HPD: variants seen among roughly 807,000 people sequenced by gnomAD.
HPD encodes 4-hydroxyphenylpyruvate dioxygenase.
In HPD, 35 loss-of-function variants were observed where a neutral mutation model predicts 56.9. That is an observed-to-expected ratio of 0.62 (90% CI 0.47 to 0.82). The LOEUF (loss-of-function observed/expected upper bound fraction) is 0.82. Ranked by LOEUF, HPD falls within the 40% of genes least tolerant of loss-of-function variation. The pLI, the probability that HPD is intolerant of heterozygous loss-of-function variation, is 0.00. For missense variants in HPD, 442 were observed against 506.8 expected, an observed-to-expected ratio of 0.87 and a Z score of 1.23; for synonymous variants, 186 against 200.2, an observed-to-expected ratio of 0.93 and a Z score of 0.60.
chr12:121,851,259 C>T (rs137857965), intron 7 of HPD, among the ~76,000 whole-genome samples: 108 of 152,288 alleles, frequency 7.1e-4, no homozygotes, highest in African/African-American at 2.5e-3. Flanking sequence ...AGTGATCCAC[C>T]CACCTTGGCC....
chr12:121,841,077 C>T (rs1289709566), intron 12 of HPD, among the ~76,000 whole-genome samples: 1 of 152,042 alleles, frequency 6.6e-6, no homozygotes, highest in African/African-American at 2.4e-5. Context: ...TGGCACACGC[C>T]TGTTATCCCA....
In HPD at chr12:121,839,641, A is replaced by G; in HGVS notation, c.*87T>C. 1 of 998,136 alleles carries G rather than the reference A, an allele frequency of 1.0e-6. No homozygotes were observed. The highest frequency in any genetic ancestry group is 1.3e-5 in the South Asian group (1 of 77,484). 61.8% of individuals were successfully genotyped at this position (998,136 alleles called of 1,614,324 possible). On this transcript the variant is annotated 3_prime_UTR_variant, in exon 14 of 14. Transcript: ENST00000289004. ...CGAGTCCGCTGGTGGGCGGGACCCA[A>G]GGGGAGCAGCCAGTAGGGAAGTTGG...
chr12:121,876,008 G>A, the HPD span, among the ~76,000 whole-genome samples: 2 of 152,050 alleles, frequency 1.3e-5, no homozygotes, highest in African/African-American at 4.8e-5. Context: ...CTAAAACTTA[G>A]TAAAAATGAT....
intron 7 of HPD, among the ~76,000 whole-genome samples, chr12:121,851,267 G>A (rs1205141257): frequency 1.3e-5 from 2 of 152,072 alleles, no homozygotes; most frequent in Admixed American, 6.6e-5. Context: ...ACCCACCTTG[G>A]CCTCCCAAAG....
Position 121,854,753 on chromosome 12 carries a change from A to G in HPD, c.364T>C (p.Trp122Arg), listed in dbSNP as rs1877932527. Reference protein sequence around the residue: ...ERGAKIMREPWVEQDKFGKVK... With the variant: ...ERGAKIMREPRVEQDKFGKVK... ...TTCCCAAACTTGTCTTGCTCTACCC[A>G]GGGCTCCCGCATGATTTTGGCGCCC... is the stretch of plus-strand genomic sequence containing the variant. Residue 122 changes from tryptophan to arginine, a missense_variant, in exon 7 of 14, where the codon TGG becomes CGG. Physicochemically the swap from Trp to Arg is moderately radical, Grantham distance 101. Transcript: ENST00000289004. 1 of 1,613,960 alleles carries G rather than the reference A, an allele frequency of 6.2e-7. No homozygotes were observed. The highest frequency in any genetic ancestry group is 8.5e-7 in the Non-Finnish European group (1 of 1,179,984).
chr12:121,858,540 C>T (rs773019023), intron 2 of HPD, 147 bp downstream of exon 2: 5 of 839,668 alleles, frequency 6.0e-6, no homozygotes, highest in Middle Eastern at 3.4e-4. Context: ...CGGGGAGCCC[C>T]GGGGGTAAAG....
At chr12:121,849,626 G>C (rs1310978381) in intron 8 of HPD, 61 bp downstream of exon 8, 13 of 1,075,542 alleles carry the variant, frequency 1.2e-5, no homozygotes, top group Non-Finnish European at 1.9e-5. Context: ...TGGAGGAAGG[G>C]GCATTACTTT....
upstream of HPD, among the ~76,000 whole-genome samples, chr12:121,861,751 G>A (rs12316702): frequency 0.041 from 6,235 of 152,140 alleles, 396 homozygotes; most frequent in African/African-American, 0.14. Flanking sequence ...TTTTACAGGC[G>A]TCCACCCGGG....
intron 7 of HPD, 114 bp downstream of exon 7, chr12:121,854,589 A>G (rs1592922136): frequency 9.8e-6 from 8 of 814,380 alleles, no homozygotes; most frequent in Non-Finnish European, 1.5e-5. Context: ...TTGAGGGACA[A>G]TGTCTGTGCT....
intron 11 of HPD, among the ~76,000 whole-genome samples, chr12:121,846,448 C>T (rs1877585159): frequency 6.6e-6 from 1 of 152,154 alleles, no homozygotes; most frequent in Admixed American, 6.6e-5. Flanking sequence ...AACTCCTGAC[C>T]TCAGGTGATC....
intron 12 of HPD, 106 bp downstream of exon 12, chr12:121,843,603 AG>A (rs1877475819): frequency 1.6e-6 from 2 of 1,284,558 alleles, no homozygotes; most frequent in Admixed American, 3.8e-5. Context: ...CTTTGCCAGC[AG>A]GGACTTGGTC....
At chr12:121,853,313 C>T (rs548444414) in intron 7 of HPD, among the ~76,000 whole-genome samples, 1 of 152,202 alleles carries the variant, frequency 6.6e-6, no homozygotes, top group East Asian at 1.9e-4. Flanking sequence ...ACATCCAGCA[C>T]ATATACCCCA....
chr12:121,853,940 AG>A (rs1159231742), intron 7 of HPD, among the ~76,000 whole-genome samples: 2 of 150,560 alleles, frequency 1.3e-5, no homozygotes, highest in Non-Finnish European at 3.0e-5. Context: ...GTCTGAAAAA[AG>A]AAAAAAGAAT....
rs201305943 is a variant in HPD at position 121,843,771 on chromosome 12, T to G, written c.893A>C (p.Gln298Pro). 1.2e-6 allele frequency: 2 copies of G among 1,614,160 alleles called. No individual in the cohort carries two copies. Among genetic ancestry groups the G allele is most frequent in the East Asian group, 4.5e-5 (2 of 44,886 alleles). The change falls in exon 12 of 14, where the codon CAA (glutamine) becomes CCA (proline). Residue 298 changes from glutamine to proline, a missense_variant. Physicochemically the swap from Gln to Pro is moderately conservative, Grantham distance 76 (BLOSUM62 -1). Transcript: ENST00000289004. ...FLSVPSTYYK[Q>P]LREKLKTAKI... The stretch of plus-strand genomic sequence containing the variant: ...GGCCGTCTTCAGCTTCTCCCGCAGT[T>G]GTTTGTAGTACGTGGAGGGAACAGA...
chr12:121,856,678 G>T, intron 4 of HPD, 53 bp from the exon 5 acceptor site: 1 of 1,559,802 alleles, frequency 6.4e-7, no homozygotes, highest in Non-Finnish European at 8.8e-7. Context: ...GGCATGGGGA[G>T]GTGCACCCAT....
chr12:121,839,554 G>A lies in HPD; in HGVS notation c.*174C>T. 1 of 637,190 alleles carries A rather than the reference G, an allele frequency of 1.6e-6. No individual in the cohort carries two copies. The highest frequency in any genetic ancestry group is 2.8e-6 in the Non-Finnish European group (1 of 356,154). 39.5% of individuals were successfully genotyped at this position (637,190 alleles called of 1,614,324 possible). On this transcript the variant is annotated 3_prime_UTR_variant, in exon 14 of 14. Coordinates refer to ENST00000289004, the MANE Select transcript of HPD (RefSeq NM_002150.3). ...GGACCGGGGCACGCTTTAATCGGGA[G>A]GGCTGGAGCAGAGGGCGGCCCCGCC... is the stretch of plus-strand genomic sequence containing the variant.
intron 12 of HPD, among the ~76,000 whole-genome samples, chr12:121,842,577 C>A (rs539835106): frequency 3.9e-5 from 6 of 151,992 alleles, no homozygotes; most frequent in Non-Finnish European, 8.8e-5. Flanking sequence ...AGACACAGAT[C>A]ACCACGCACA....
chr12:121,858,060 A>G (rs1325757303), intron 2 of HPD, among the ~76,000 whole-genome samples: 2 of 152,176 alleles, frequency 1.3e-5, no homozygotes, highest in Admixed American at 1.3e-4. Context: ...ACACAGGGAA[A>G]TAGACTTATG....
chr12:121,856,330 G>A lies in HPD; in HGVS notation c.318C>T (p.Ile106=), dbSNP rs1400449520. The A allele has an allele frequency of 9.9e-6, 16 of 1,613,492 alleles. No individual in the cohort carries two copies. The South Asian group carries it at 1.3e-4, about 13-fold the overall frequency. ...IAFEVEDCDY[I]VQKARERGAK... The stretch of plus-strand genomic sequence containing the variant: ...CACCCAGGTGCTTTCTTACCTGCAC[G>A]ATGTAGTCACAATCTTCCACCTCGA... The change falls in exon 6 of 14, where the codon ATC becomes ATT. Residue 106 remains isoleucine (I), a synonymous_variant. Transcript: ENST00000289004.
Sources: allele counts gnomAD v4.1 joint callset (sites outside exome capture counted in the v4.1 genomes callset), GRCh38; gene constraint gnomAD v4.1.1; transcripts MANE v1.5; gene names NCBI Gene and HGNC (gene_info 2026-07-23, HGNC 2026-07-21).